The following TRIO variants were observed in gnomAD, a reference collection of about 807,000 sequenced individuals.
TRIO encodes trio Rho guanine nucleotide exchange factor.
In TRIO, 58 loss-of-function variants were observed where a neutral mutation model predicts 351.9. That is an observed-to-expected ratio of 0.16 (90% CI 0.13 to 0.21). TRIO has a LOEUF of 0.21. Among genes scored for constraint, TRIO ranks in the 10% least tolerant of loss-of-function variants. The probability of loss-of-function intolerance (pLI) is 1.00; values close to 1 mark genes in which losing one functional copy is unlikely to be tolerated. For missense variants in TRIO, 3,201 were observed against 4,027.8 expected (o/e 0.79, Z 5.56); for synonymous variants, 1,758 against 1,595.7 (o/e 1.10, Z -2.42).
intron 5 of TRIO, 89 bp downstream of exon 5, chr5:14,291,317 A>C: frequency 7.2e-7 from 1 of 1,381,922 alleles, no homozygotes; most frequent in Non-Finnish European, 9.9e-7. Flanking sequence ...AAGGTGGAGA[A>C]TGGTAAGGCT....
At chr5:14,335,078 T>C (rs1378498404) in intron 10 of TRIO, among the ~76,000 whole-genome samples, 1 of 152,184 alleles carries the variant, frequency 6.6e-6, no homozygotes, top group East Asian at 1.9e-4. Flanking sequence ...TTAAAAACCA[T>C]GTATGTATTC....
intron 1 of TRIO, among the ~76,000 whole-genome samples, chr5:14,257,230 C>G (rs1795074295): frequency 6.6e-6 from 1 of 152,222 alleles, no homozygotes; most frequent in African/African-American, 2.4e-5. Context: ...GCAGGCACCT[C>G]CACCAGATCC....
chr5:14,317,897 G>T (rs575078964), intron 9 of TRIO, among the ~76,000 whole-genome samples: 3 of 151,972 alleles, frequency 2.0e-5, no homozygotes, highest in Non-Finnish European at 4.4e-5. Context: ...GAGGCCAAGG[G>T]GGGTGGATCA....
At chr5:14,389,547 A>T in intron 25 of TRIO, 149 bp downstream of exon 25, 1 of 565,476 alleles carries the variant, frequency 1.8e-6, no homozygotes. Flanking sequence ...CTCCAAAAAG[A>T]CTGACATTCT....
At chr5:14,376,160 A>T (rs947354647) in intron 19 of TRIO, among the ~76,000 whole-genome samples, 1 of 152,172 alleles carries the variant, frequency 6.6e-6, no homozygotes, top group Non-Finnish European at 1.5e-5. Context: ...CTTACTTATC[A>T]CAAAGTACAG....
intron 1 of TRIO, among the ~76,000 whole-genome samples, chr5:14,245,259 C>G (rs1000509140): frequency 1.3e-5 from 2 of 152,226 alleles, no homozygotes; most frequent in African/African-American, 4.8e-5. Context: ...AATGCTGGCA[C>G]AGTTTCTCCA....
intron 3 of TRIO, among the ~76,000 whole-genome samples, chr5:14,283,846 G>A (rs1033454932): frequency 2.6e-5 from 4 of 151,784 alleles, no homozygotes; most frequent in African/African-American, 9.7e-5. Flanking sequence ...CTAAACGTGT[G>A]TAGGAGAAAT....
rs557922366 is a variant in TRIO at position 14,396,044 on chromosome 5, T to TAAAA, written c.4312-979_4312-976dup. Among the ~76,000 whole-genome samples the TAAAA allele has an allele frequency of 1.8e-3, 115 of 64,526 alleles. 1 individual carries two copies. The highest frequency in any genetic ancestry group is 8.3e-3 in the Middle Eastern group (1 of 120). 42.3% of individuals were successfully genotyped at this position (64,526 alleles called of 152,430 possible). A position where few individuals can be genotyped will look rare whatever the true frequency, so the allele number is the denominator to read the frequency against. ...CTGGGCGACAGAGCAAGACTCCGCC[T>TAAAA]AAAAAAAAAAAAAAAAAAAAAAAGG... On this transcript the variant is annotated intron_variant, in intron 28 of 56. Transcript: ENST00000344204.
chr5:14,209,638 G>T (rs1325426299), intron 1 of TRIO, among the ~76,000 whole-genome samples: 2 of 152,198 alleles, frequency 1.3e-5, no homozygotes, highest in Non-Finnish European at 2.9e-5. Flanking sequence ...CACCCTGTTA[G>T]CTGGATCTCT....
intron 1 of TRIO, among the ~76,000 whole-genome samples, chr5:14,179,278 C>T (rs944996780): frequency 3.3e-5 from 5 of 152,122 alleles, no homozygotes; most frequent in African/African-American, 1.2e-4. Context: ...TTACCATGTG[C>T]TAGACTCAAA....
intron 34 of TRIO, among the ~76,000 whole-genome samples, chr5:14,429,963 G>A (rs560488070): frequency 1.1e-4 from 17 of 152,152 alleles, no homozygotes; most frequent in South Asian, 2.1e-4. Context: ...TCATGTGTGC[G>A]TGTGCCTTAG....
At chr5:14,385,660 G>T (rs1449270325) in intron 21 of TRIO, among the ~76,000 whole-genome samples, 1 of 152,166 alleles carries the variant, frequency 6.6e-6, no homozygotes, top group Non-Finnish European at 1.5e-5. Context: ...GGGGTGAGAA[G>T]AGTTTTTACT....
intron 1 of TRIO, among the ~76,000 whole-genome samples, chr5:14,238,645 A>C (rs1315851957): frequency 6.6e-6 from 1 of 152,250 alleles, no homozygotes; most frequent in African/African-American, 2.4e-5. Flanking sequence ...GTAACTTTTC[A>C]TATTTCATCT....
rs181993937 is a variant in TRIO, at chr5:14,238,089, G to A, written c.158-32736G>A. 2.0e-5 allele frequency among the ~76,000 whole-genome samples: 3 copies of A among 152,268 alleles called. No individual in the cohort carries two copies. The East Asian group carries it at 5.8e-4, about 29-fold the overall frequency. ...TGATTATAATATTTAGATGAAGTTA[G>A]AGATAGTGAACTTTATACATGAGAA... On this transcript the variant is annotated intron_variant, in intron 1 of 56. Coordinates refer to ENST00000344204, the MANE Select transcript of TRIO (RefSeq NM_007118.4).
intron 39 of TRIO, 140 bp from the exon 40 acceptor site, chr5:14,473,854 T>C (rs1034967848): frequency 8.9e-6 from 6 of 673,022 alleles, no homozygotes; most frequent in Non-Finnish European, 1.4e-5. Context: ...TATCGGTTTT[T>C]TTTGTTTGTT....
At chr5:14,315,143 C>T (rs165089) in intron 8 of TRIO, among the ~76,000 whole-genome samples, 6,885 of 152,132 alleles carry the variant, frequency 0.045, 550 homozygotes, top group African/African-American at 0.16. Flanking sequence ...TAAAGGCTCT[C>T]AGTGTTAGCT....
intron 1 of TRIO, among the ~76,000 whole-genome samples, chr5:14,202,804 A>G (rs959665698): frequency 6.6e-6 from 1 of 150,986 alleles, no homozygotes; most frequent in African/African-American, 2.4e-5. Context: ...ACCTTCTGCC[A>G]TAACTGTGAG....
intron 9 of TRIO, among the ~76,000 whole-genome samples, chr5:14,320,052 C>T (rs1437626995): frequency 3.9e-5 from 6 of 152,136 alleles, no homozygotes; most frequent in African/African-American, 1.2e-4. Context: ...GATGCACATG[C>T]TGGCTGCCTT....
chr5:14,281,304 G>T (rs1423820138), intron 3 of TRIO, among the ~76,000 whole-genome samples: 3 of 152,084 alleles, frequency 2.0e-5, no homozygotes, highest in Admixed American at 6.5e-5. Flanking sequence ...TCCTCACATG[G>T]TTGGAGCAGG....
Sources: gnomAD v4.1 joint callset for allele counts (sites outside exome capture counted in the v4.1 genomes callset) on GRCh38, gnomAD v4.1.1 for gene constraint, MANE v1.5 for transcripts, NCBI Gene and HGNC (gene_info 2026-07-23, HGNC 2026-07-21) for gene names.